The following PJVK variants were observed in gnomAD, a reference collection of about 807,000 sequenced individuals.
PJVK encodes the protein autosomal recessive deafness type 59 protein.
In PJVK, 33 loss-of-function variants were observed where a neutral mutation model predicts 37.6. That is an observed-to-expected ratio of 0.88 (90% CI 0.67 to 1.17). PJVK has a LOEUF of 1.17. PJVK is among the 50% of genes most tolerant of loss of function. The pLI is 0.00. For missense variants in PJVK, 410 were observed against 413.8 expected (o/e 0.99, Z 0.08); for synonymous variants, 141 against 143.5 (o/e 0.98, Z 0.13).
chr2:178,461,265 G>C lies in PJVK; in HGVS notation c.1050G>C (p.Arg350Ser), dbSNP rs746778669. 23 of 1,613,910 alleles carry C rather than the reference G, an allele frequency of 1.4e-5. No individual in the cohort carries two copies. The highest frequency in any genetic ancestry group is 3.3e-4 in the Middle Eastern group (2 of 6,082). The change falls in exon 7 of 7, where the codon AGG (arginine) becomes AGC (serine). Residue 350 changes from arginine (R) to serine (S), a missense_variant. By Grantham distance (110) the Arg-to-Ser change is moderately radical (BLOSUM62 -1). Coordinates refer to ENST00000644580, the MANE Select transcript of PJVK (RefSeq NM_001042702.5). Reference sequence around the variant, plus strand: ...CTTGTTTTGATATTTGGCACAAGAGGATGAAATAAAATGAAAAATGAATAC... The same window carrying C: ...CTTGTTTTGATATTTGGCACAAGAGCATGAAATAAAATGAAAAATGAATAC... The part of the protein sequence containing the change: ...AVPCFDIWHK[R>S]MK
Position 178,451,403 on chromosome 2 carries a change from A to C in PJVK, c.-389A>C. 1 of 285,132 alleles carries C rather than the reference A, an allele frequency of 3.5e-6. No homozygotes were observed. The highest frequency in any genetic ancestry group is 6.7e-6 in the Non-Finnish European group (1 of 150,348). The allele number at this position is 285,132 out of a possible 1,614,324, so 17.7% of individuals were successfully genotyped here. A position where few individuals can be genotyped will look rare whatever the true frequency, so the allele number is the denominator to read the frequency against. On this transcript the variant is annotated 5_prime_UTR_variant, in exon 1 of 7. Transcript: ENST00000644580. ...GACCAGCCTGTAGTAACTGGCCCCT[A>C]GGCCGCAGTTCTTTGTCCTTAGCAG...
chr2:178,451,719 C>T lies in PJVK; in HGVS notation c.-73C>T, dbSNP rs573551830. 838 of 965,614 alleles carry T rather than the reference C, an allele frequency of 8.7e-4. 16 individuals carry two copies. The South Asian group carries it at 0.019, about 22-fold the overall frequency. 59.8% of individuals were successfully genotyped at this position (965,614 alleles called of 1,614,324 possible). The stretch of plus-strand genomic sequence containing the variant: ...CGTCCAAACACCCGCTCCTCTCCCG[C>T]CGGGCGGGCTCCTTTGTCTTCTGGG... On this transcript the variant is annotated 5_prime_UTR_variant, in exon 1 of 7. Transcript: ENST00000644580.
rs1684497004 is a variant in PJVK, at chr2:178,461,301, T to C, written c.*27T>C. 2 of 1,612,314 alleles carry C rather than the reference T, an allele frequency of 1.2e-6. No homozygotes were observed. Among genetic ancestry groups the C allele is most frequent in the East Asian group, 4.5e-5 (2 of 44,858 alleles). On this transcript the variant is annotated 3_prime_UTR_variant, in exon 7 of 7. Coordinates refer to ENST00000644580, the MANE Select transcript of PJVK (RefSeq NM_001042702.5). ...ATGAAAAATGAATACACCGTGTTGG[T>C]GTTTTAGGTGCAGTTGTGCCACAAA...
intron 5 of PJVK, 140 bp from the exon 6 acceptor site, chr2:178,460,207 AT>A: frequency 2.8e-6 from 2 of 718,676 alleles, no homozygotes; most frequent in East Asian, 5.6e-5. Flanking sequence ...TACCATGTGA[AT>A]GTTACCTTTT....
intron 3 of PJVK, chr2:178,454,753 C>T (rs1355889823): frequency 8.3e-6 from 13 of 1,574,582 alleles, no homozygotes; most frequent in Non-Finnish European, 1.1e-5. Context: ...AAGGAGCTAA[C>T]TGATGAAGAG....
chr2:178,458,662 A>C (rs1196967954), intron 5 of PJVK, 35 bp downstream of exon 5: 1 of 1,493,582 alleles, frequency 6.7e-7, no homozygotes, highest in South Asian at 1.1e-5. Context: ...ACAAATGATT[A>C]TATTTTTAAG....
chr2:178,452,570 G>C, intron 1 of PJVK: 1 of 985,324 alleles, frequency 1.0e-6, no homozygotes, highest in Non-Finnish European at 1.2e-6. Context: ...CAGCACTCAG[G>C]TAAAATTCAT....
chr2:178,457,000 G>A (rs1472922884), intron 4 of PJVK, among the ~76,000 whole-genome samples: 3 of 151,850 alleles, frequency 2.0e-5, no homozygotes, highest in Admixed American at 2.0e-4. Context: ...ACGGAGTCTC[G>A]CTCTGTCCCC....
chr2:178,457,029 C>T (rs187679623), intron 4 of PJVK, among the ~76,000 whole-genome samples: 42 of 151,932 alleles, frequency 2.8e-4, no homozygotes, highest in Non-Finnish European at 5.1e-4. Context: ...AGTGCAGTGG[C>T]GCGATCTTGG....
rs762639160 is a variant in PJVK, at chr2:178,460,339, T to G, written c.668-9T>G. 1.9e-6 allele frequency: 3 copies of G among 1,612,508 alleles called. No individual in the cohort carries two copies. Among genetic ancestry groups the G allele is most frequent in the Admixed American group, 3.3e-5 (2 of 60,012 alleles). Reference sequence around the variant, plus strand: ...AAGTTATAACATCTTCTAACAATTTTTTTTGTAGACCTTTGTGTCACTTCA... The same window carrying G: ...AAGTTATAACATCTTCTAACAATTTGTTTTGTAGACCTTTGTGTCACTTCA... On this transcript the variant is annotated splice_polypyrimidine_tract_variant and intron_variant, in intron 5 of 6. Coordinates refer to ENST00000644580, the MANE Select transcript of PJVK (RefSeq NM_001042702.5).
At position 178,453,384 on chromosome 2, in the gene PJVK, G is replaced by T. The variant is rs1457105005; in HGVS notation, c.-22-4G>T. The T allele has an allele frequency of 3.1e-6, 5 of 1,612,778 alleles. No individual in the cohort carries two copies. The highest frequency in any genetic ancestry group is 1.3e-5 in the African/African-American group (1 of 74,886). On this transcript the variant is annotated splice_polypyrimidine_tract_variant and splice_region_variant and intron_variant, in intron 1 of 6. Transcript: ENST00000644580. ...TTAAAAATGGATTTATCTGGGGGTT[G>T]CAGTTGATGACGTTTTGATTTTAAT...
chr2:178,452,753 G>C (rs1304200947), intron 1 of PJVK: 1 of 385,682 alleles, frequency 2.6e-6, no homozygotes, highest in Non-Finnish European at 3.5e-6. Flanking sequence ...AGTTTATATA[G>C]TTACTTATAT....
At chr2:178,456,531 C>T (rs113665620) in intron 4 of PJVK, among the ~76,000 whole-genome samples, 109 of 152,124 alleles carry the variant, frequency 7.2e-4, no homozygotes, top group African/African-American at 2.1e-3. Flanking sequence ...TTTGGGAGGC[C>T]GAGGTGGGCG....
chr2:178,459,352 A>G (rs1356436307), intron 5 of PJVK: 6 of 354,474 alleles, frequency 1.7e-5, no homozygotes, highest in Non-Finnish European at 3.6e-5. Context: ...CAGAAACAAA[A>G]CAAAACTACA....
chr2:178,454,480 C>A lies in PJVK; in HGVS notation c.360C>A (p.Thr120=), dbSNP rs876657450. Residue 120 remains threonine (T), a synonymous_variant, in exon 3 of 7, where the codon ACC becomes ACA. Coordinates refer to ENST00000644580, the MANE Select transcript of PJVK (RefSeq NM_001042702.5). ...TGAAAGCTTCATTTGGTATAGTAAC[C>A]AAACATGAAGTGGAAGTATCAACAT... The part of the protein sequence containing the change: ...IAVKASFGIV[T]KHEVEVSTLL... The A allele has an allele frequency of 1.2e-6, 2 of 1,613,734 alleles. No homozygotes were observed. The highest frequency in any genetic ancestry group is 1.3e-5 in the African/African-American group (1 of 74,980).
intron 1 of PJVK, 165 bp downstream of exon 1, chr2:178,451,934 CTG>C: frequency 5.6e-6 from 4 of 713,162 alleles, no homozygotes; most frequent in Non-Finnish European, 6.9e-6. Context: ...AAATGCTCCC[CTG>C]TGCTTACTCG....
At chr2:178,460,727 T>A (rs1684440442) in intron 6 of PJVK, among the ~76,000 whole-genome samples, 1 of 151,748 alleles carries the variant, frequency 6.6e-6, no homozygotes, top group Non-Finnish European at 1.5e-5. Flanking sequence ...TGTGCACCTG[T>A]AGTCCCAGCT....
intron 5 of PJVK, 119 bp downstream of exon 5, chr2:178,458,746 C>A: frequency 2.2e-6 from 2 of 903,996 alleles, no homozygotes; most frequent in Non-Finnish European, 3.7e-6. Context: ...ATAGAAGATG[C>A]TCTCAGCACT....
At position 178,456,074 on chromosome 2, in the gene PJVK, G is replaced by A. The variant is rs1559368467; in HGVS notation, c.472G>A (p.Val158Met). ...GAGCAGCAGAAAGGCAGTATTGTGT[G>A]TGGTCATGGAGAGCATCCGAACCAC... ...SRSSRKAVLC[V>M]VMESIRTTRQ... is the part of the protein sequence containing the mutation. The change falls in exon 4 of 7, where the codon GTG becomes ATG. Residue 158 changes from valine to methionine, a missense_variant. Coordinates refer to ENST00000644580, the MANE Select transcript of PJVK (RefSeq NM_001042702.5). The A allele has an allele frequency of 8.7e-6, 14 of 1,614,204 alleles. No individual in the cohort carries two copies. Among genetic ancestry groups the A allele is most frequent in the Non-Finnish European group, 1.2e-5 (14 of 1,180,028 alleles).
Sources: gnomAD v4.1 joint callset for allele counts (sites outside exome capture counted in the v4.1 genomes callset) on GRCh38, gnomAD v4.1.1 for gene constraint, MANE v1.5 for transcripts, NCBI Gene and HGNC (gene_info 2026-07-23, HGNC 2026-07-21) for gene names.